The following CEP112 variants were observed in gnomAD, a reference collection of about 807,000 sequenced individuals.
CEP112 encodes the protein centrosomal protein of 112 kDa.
A neutral mutation model predicts 153.0 loss-of-function variants in CEP112; 127 were observed. The ratio of observed to expected loss-of-function variants is 0.83; its 90% CI spans 0.72 to 0.96. The LOEUF is 0.96. Ranked by LOEUF, CEP112 falls within the 40% of genes least tolerant of loss-of-function variation. The pLI, the probability that CEP112 is intolerant of heterozygous loss-of-function variation, is 0.00. For synonymous variants in CEP112, 358 were observed against 374.4 expected (o/e 0.96, Z 0.51); for missense variants, 1,089 against 1,101.2 (o/e 0.99, Z 0.16).
At chr17:65,735,659 A>T (rs2050760435) in intron 23 of CEP112, among the ~76,000 whole-genome samples, 1 of 152,210 alleles carries the variant, frequency 6.6e-6, no homozygotes, top group Non-Finnish European at 1.5e-5. Flanking sequence ...CCATAAGTAC[A>T]TGGTAGTGAA....
At chr17:65,867,036 GC>G (rs1385113262) in intron 20 of CEP112, among the ~76,000 whole-genome samples, 1 of 152,038 alleles carries the variant, frequency 6.6e-6, no homozygotes, top group Non-Finnish European at 1.5e-5. Flanking sequence ...CCTTCAGGGA[GC>G]CCAGACTCAG....
At chr17:65,995,219 T>G (rs2063741671) in intron 17 of CEP112, among the ~76,000 whole-genome samples, 1 of 152,054 alleles carries the variant, frequency 6.6e-6, no homozygotes, top group African/African-American at 2.4e-5. Flanking sequence ...CTCGGAATTC[T>G]AACCTGGCTT....
intron 21 of CEP112, among the ~76,000 whole-genome samples, chr17:65,773,528 T>A (rs1389883813): frequency 1.3e-5 from 2 of 152,218 alleles, no homozygotes; most frequent in East Asian, 3.8e-4. Context: ...AAAACAAGAA[T>A]GTCTCCAAAT....
At chr17:66,034,367 T>G (rs2065618103) in intron 12 of CEP112, among the ~76,000 whole-genome samples, 2 of 152,168 alleles carry the variant, frequency 1.3e-5, no homozygotes, top group African/African-American at 4.8e-5. Context: ...GTAAAGATAT[T>G]CCCCTCTATA....
At chr17:66,031,665 T>C (rs565626912) in intron 12 of CEP112, among the ~76,000 whole-genome samples, 12 of 152,080 alleles carry the variant, frequency 7.9e-5, no homozygotes, top group Non-Finnish European at 1.5e-4. Context: ...TCTCACTATG[T>C]TGGCCAGGCT....
intron 16 of CEP112, among the ~76,000 whole-genome samples, chr17:66,013,464 C>T (rs755350123): frequency 6.6e-5 from 10 of 152,234 alleles, no homozygotes; most frequent in Non-Finnish European, 1.0e-4. Context: ...TGGGGTCCAT[C>T]GACTGGCTTC....
chr17:65,939,447 TAAC>T (rs2061443488), intron 18 of CEP112, among the ~76,000 whole-genome samples: 2 of 152,008 alleles, frequency 1.3e-5, no homozygotes, highest in African/African-American at 4.8e-5. Flanking sequence ...GAACAATAAG[TAAC>T]AACAACAAAG....
At chr17:65,829,319 G>A (rs1385860456) in intron 21 of CEP112, among the ~76,000 whole-genome samples, 1 of 152,026 alleles carries the variant, frequency 6.6e-6, no homozygotes, top group African/African-American at 2.4e-5. Flanking sequence ...AGCTGGATCA[G>A]GCAAACCAGG....
In CEP112 at chr17:66,176,842, T is replaced by C. The variant is rs773504758; in HGVS notation, c.285A>G (p.Leu95=). 1.2e-6 allele frequency: 2 copies of C among 1,606,762 alleles called. No individual in the cohort carries two copies. The highest frequency in any genetic ancestry group is 2.2e-5 in the South Asian group (2 of 89,600). ...CATTGATACCTACCATGTATGAAGG[T>C]AGAATTTTTAGTGTCCCGGGTTCAG... ...HRPEPGTLKI[L]PSYMSIYFDE... is the part of the protein sequence containing the mutation. Residue 95 remains leucine, a synonymous_variant, in exon 3 of 27, where the codon CTA becomes CTG. Coordinates refer to ENST00000535342, the MANE Select transcript of CEP112 (RefSeq NM_001199165.4).
intron 3 of CEP112, among the ~76,000 whole-genome samples, chr17:66,176,363 T>C (rs111882536): frequency 0.034 from 5,185 of 152,256 alleles, 131 homozygotes; most frequent in Middle Eastern, 0.061. Context: ...ATTTTGACAA[T>C]GAAATTAATT....
At position 66,191,928 on chromosome 17, in the gene CEP112, C is replaced by A. The variant is rs947931631; in HGVS notation, c.-9+69G>T. 1.3e-5 allele frequency: 2 copies of A among 152,356 alleles called. No homozygotes were observed. The highest frequency in any genetic ancestry group is 2.0e-4 in the South Asian group (1 of 4,994). The allele number at this position is 152,356 out of a possible 1,614,324, so 9.4% of individuals were successfully genotyped here. ...CCCGCAAGGGCGGGGCGGCAGCCACCGGCGCAAAATTCCACTCAAGAACCT... is the reference window on the plus strand; with the variant it reads ...CCCGCAAGGGCGGGGCGGCAGCCACAGGCGCAAAATTCCACTCAAGAACCT... On this transcript the variant is annotated intron_variant, in intron 1 of 26. Transcript: ENST00000535342. The surrounding 1 kb of genome is among the most constrained non-coding windows in gnomAD (Gnocchi z 4.2).
At chr17:65,662,715 C>T (rs902172071) in intron 24 of CEP112, among the ~76,000 whole-genome samples, 5 of 152,124 alleles carry the variant, frequency 3.3e-5, no homozygotes, top group South Asian at 4.1e-4. Flanking sequence ...AAAAAATTCA[C>T]GATTTACAAT....
At chr17:65,734,509 A>G (rs9899008) in intron 23 of CEP112, among the ~76,000 whole-genome samples, 2,625 of 152,324 alleles carry the variant, frequency 0.017, 84 homozygotes, top group African/African-American at 0.06. Flanking sequence ...ACTCATTAAA[A>G]TAGTAATAAA....
Position 66,046,289 on chromosome 17 carries a change from G to A in CEP112, c.1218+7447C>T, listed in dbSNP as rs9902599. Among the ~76,000 whole-genome samples, 923 of 152,162 alleles carry A rather than the reference G, an allele frequency of 6.1e-3. 10 individuals carry two copies. Among genetic ancestry groups the A allele is most frequent in the African/African-American group, 0.021 (853 of 41,526 alleles). On this transcript the variant is annotated intron_variant, in intron 12 of 26. Transcript: ENST00000535342. Reference sequence around the variant, plus strand: ...AATCTCCTGACCTTGTGATCTGCCCGCCTCGGCCTCCCAAAGTGCTGGGAT... The same window carrying A: ...AATCTCCTGACCTTGTGATCTGCCCACCTCGGCCTCCCAAAGTGCTGGGAT...
chr17:66,002,812 G>C (rs1420454498), intron 17 of CEP112, among the ~76,000 whole-genome samples: 2 of 152,058 alleles, frequency 1.3e-5, no homozygotes, highest in Non-Finnish European at 2.9e-5. Context: ...CTTATTCAAT[G>C]AATGAAAGAA....
intron 17 of CEP112, among the ~76,000 whole-genome samples, chr17:65,964,219 C>T (rs1309832770): frequency 2.6e-5 from 4 of 152,182 alleles, no homozygotes; most frequent in Admixed American, 2.6e-4. Flanking sequence ...TTAATGTTAA[C>T]TGGCTGTTAA....
At chr17:66,037,627 T>A (rs367633029) in intron 12 of CEP112, among the ~76,000 whole-genome samples, 1 of 152,138 alleles carries the variant, frequency 6.6e-6, no homozygotes, top group East Asian at 1.9e-4. Context: ...AGATTATGTT[T>A]GTCTTTCCGT....
intron 6 of CEP112, among the ~76,000 whole-genome samples, chr17:66,116,863 C>CCT (rs2069319422): frequency 2.5e-5 from 3 of 119,204 alleles, no homozygotes; most frequent in Non-Finnish European, 5.1e-5. Context: ...CTCCAATCTC[C>CCT]TTTTTTTTTT....
At chr17:65,730,659 T>C (rs1034064526) in intron 23 of CEP112, among the ~76,000 whole-genome samples, 13 of 152,182 alleles carry the variant, frequency 8.5e-5, no homozygotes, top group Admixed American at 5.2e-4. Flanking sequence ...TCAATGCTAC[T>C]AAAACACCAC....
Sources: allele counts gnomAD v4.1 joint callset (sites outside exome capture counted in the v4.1 genomes callset), GRCh38; gene constraint gnomAD v4.1.1; non-coding constraint Gnocchi (gnomAD v3.1); transcripts MANE v1.5; gene names NCBI Gene and HGNC (gene_info 2026-07-23, HGNC 2026-07-21).